The following FAAP20 variants were observed in gnomAD, a reference collection of about 807,000 sequenced individuals.
The protein encoded by FAAP20 is FA core complex associated protein 20.
A neutral mutation model predicts 16.2 loss-of-function variants in FAAP20; 12 were observed. That is an observed-to-expected ratio of 0.74 (90% CI 0.48 to 1.20). The LOEUF (loss-of-function observed/expected upper bound fraction) is 1.20. Among genes scored for constraint, FAAP20 ranks in the 50% most tolerant of loss-of-function variants. The pLI is 0.00. For synonymous variants in FAAP20, 141 were observed against 110.7 expected (o/e 1.27, Z -1.72); for missense variants, 288 against 245.8 (o/e 1.17, Z -1.15).
chr1:2,207,955 T>TGTGA (rs1481366227), downstream of FAAP20, among the ~76,000 whole-genome samples: 1 of 141,662 alleles, frequency 7.1e-6, no homozygotes, highest in East Asian at 2.0e-4. Flanking sequence ...TGTGTGTGTG[T>TGTGA]CCGTGCGCGC....
upstream of FAAP20, among the ~76,000 whole-genome samples, chr1:2,197,405 C>T (rs952901043): frequency 6.6e-6 from 1 of 152,250 alleles, no homozygotes. Flanking sequence ...CCTGCGCTGC[C>T]CGGCTGGCGC....
Position 2,193,869 on chromosome 1 carries a change from G to T in FAAP20, c.240C>A (p.Val80=). 6.2e-7 allele frequency: 1 copy of T among 1,612,478 alleles called. No homozygotes were observed. Among genetic ancestry groups the T allele is most frequent in the Non-Finnish European group, 8.5e-7 (1 of 1,179,844 alleles). The part of the protein sequence containing the change: ...CGPEPTEVFT[V]GPKTFSWTPF... ...GTGTCCAGGAAAAGGTCTTGGGTCC[G>T]ACAGTGAAGACTTCAGTGGGCTCCG... is the stretch of plus-strand genomic sequence containing the variant. Residue 80 remains valine, a synonymous_variant, in exon 3 of 4, where the codon GTC becomes GTA. Transcript: ENST00000378546.
upstream of FAAP20, among the ~76,000 whole-genome samples, chr1:2,195,876 C>G (rs1688796005): frequency 6.6e-6 from 1 of 152,226 alleles, no homozygotes; most frequent in South Asian, 2.1e-4. Flanking sequence ...CTGGAGGCCC[C>G]CAGCAGAACA....
At chr1:2,204,355 C>T (rs549596592), upstream of FAAP20, among the ~76,000 whole-genome samples, 41 of 152,384 alleles carry the variant, frequency 2.7e-4, no homozygotes, top group African/African-American at 9.9e-4. Context: ...TCCTGCGCTT[C>T]CTCAGAGGGA....
chr1:2,184,687 C>G, downstream of FAAP20: 2 of 1,613,286 alleles, frequency 1.2e-6, no homozygotes, highest in South Asian at 2.2e-5. Flanking sequence ...TGCAGCTGAC[C>G]CCAGACGATG....
upstream of FAAP20, among the ~76,000 whole-genome samples, chr1:2,196,807 A>G (rs182505451): frequency 2.0e-5 from 3 of 152,346 alleles, no homozygotes; most frequent in East Asian, 5.8e-4. The surrounding 1 kb of genome is among the most constrained non-coding windows in gnomAD (Gnocchi z 4.5). Flanking sequence ...ACCACTGCAC[A>G]ACAGCTTGGG....
chr1:2,206,487 G>A (rs572827208), intron 2 of FAAP20: 1 of 152,404 alleles, frequency 6.6e-6, no homozygotes, highest in South Asian at 2.1e-4. Context: ...GATCCCAGAA[G>A]TGGGAAAAGG....
downstream of FAAP20, among the ~76,000 whole-genome samples, chr1:2,188,410 C>G (rs561487916): frequency 2.6e-5 from 4 of 152,352 alleles, no homozygotes; most frequent in African/African-American, 9.6e-5. Context: ...TCAGCTCCCG[C>G]AGCCCTAACA....
At chr1:2,207,909 CGTGTGTGTGTGTGTGTGTGT>C (rs58549960), downstream of FAAP20, among the ~76,000 whole-genome samples, 35,524 of 145,888 alleles carry the variant, frequency 0.24, 4,730 homozygotes, top group South Asian at 0.31. Context: ...TGGTAACACC[CGTGTGTGTGTGTGTGTGTGT>C]GTGTGTGTGT....
intron 1 of FAAP20, 84 bp from the exon 2 acceptor site, chr1:2,194,217 G>C (rs1688602196): frequency 6.5e-7 from 1 of 1,536,396 alleles, no homozygotes; most frequent in Non-Finnish European, 8.8e-7. Context: ...CTGGGGCAGA[G>C]AGAGCGGGGA....
intron 3 of FAAP20, chr1:2,192,209 T>G (rs1688306914): frequency 1.0e-6 from 1 of 985,942 alleles, no homozygotes; most frequent in African/African-American, 1.7e-5. Flanking sequence ...GTGCAAACCC[T>G]TGTTCCCAAA....
At chr1:2,186,581 C>T (rs1687632167), downstream of FAAP20, among the ~76,000 whole-genome samples, 1 of 144,092 alleles carries the variant, frequency 6.9e-6, no homozygotes, top group Non-Finnish European at 1.5e-5. Context: ...TGAGACTCAA[C>T]TCCAAAGACG....
chr1:2,188,189 C>G (rs1045475885), downstream of FAAP20, among the ~76,000 whole-genome samples: 1 of 152,220 alleles, frequency 6.6e-6, no homozygotes, highest in African/African-American at 2.4e-5. Flanking sequence ...CTCTCCAGAA[C>G]CTGGGGGCTG....
At chr1:2,201,793 G>A (rs930431724), upstream of FAAP20, among the ~76,000 whole-genome samples, 2 of 152,178 alleles carry the variant, frequency 1.3e-5, no homozygotes, top group African/African-American at 2.4e-5. Context: ...CAAGGCAGGC[G>A]GATCACGAAG....
At chr1:2,201,260 G>A, upstream of FAAP20, 1 of 1,176,760 alleles carries the variant, frequency 8.5e-7, no homozygotes, top group Non-Finnish European at 1.1e-6. Flanking sequence ...GGTGGCCTGG[G>A]CCCTGCGCAT....
At position 2,205,920 on chromosome 1, in the gene FAAP20, A is replaced by T. The variant is rs1028094546; in HGVS notation, n.451+385T>A. 7.2e-5 allele frequency among the ~76,000 whole-genome samples: 11 copies of T among 152,382 alleles called. No individual in the cohort carries two copies. The East Asian group carries it at 1.2e-3, about 16-fold the overall frequency. ...TGTCCGCACACCTGTCCGAAGCCTT[A>T]AAAGGTCTTCATTCCTTTTCGGTCT... On this transcript the variant is annotated intron_variant and non_coding_transcript_variant, in intron 3 of 7. Coordinates refer to the FAAP20 transcript ENST00000469733.
At chr1:2,206,293 G>C (rs938841763) in intron 3 of FAAP20, 2 of 152,368 alleles carry the variant, frequency 1.3e-5, no homozygotes, top group African/African-American at 2.4e-5. Context: ...GCACAGCCCC[G>C]GTCTGAGGTA....
At chr1:2,195,088 A>G (rs996363760), upstream of FAAP20, among the ~76,000 whole-genome samples, 2 of 150,950 alleles carry the variant, frequency 1.3e-5, no homozygotes, top group African/African-American at 4.9e-5. Context: ...GGCTGCACCC[A>G]ACAGCTCCCG....
downstream of FAAP20, chr1:2,207,637 C>A (rs1689311563): frequency 6.6e-6 from 1 of 152,266 alleles, no homozygotes; most frequent in Non-Finnish European, 1.5e-5. Flanking sequence ...GCTGCAGGAG[C>A]AGCCGTGTTT....
Sources: gnomAD v4.1 joint callset for allele counts (sites outside exome capture counted in the v4.1 genomes callset) on GRCh38, gnomAD v4.1.1 for gene constraint, Gnocchi (gnomAD v3.1) non-coding constraint, MANE v1.5 for transcripts, NCBI Gene and HGNC (gene_info 2026-07-23, HGNC 2026-07-21) for gene names.